The following ZFHX4 variants were observed in gnomAD, a reference collection of about 807,000 sequenced individuals.
The protein encoded by ZFHX4 is zinc finger homeobox protein 4.
A neutral mutation model predicts 267.6 loss-of-function variants in ZFHX4; 56 were observed. The ratio of observed to expected loss-of-function variants is 0.21; its 90% CI spans 0.17 to 0.26. ZFHX4 has a LOEUF of 0.26. Ranked by LOEUF, ZFHX4 falls within the 10% of genes least tolerant of loss-of-function variation. ZFHX4 has a pLI of 1.00. For missense variants in ZFHX4, 4,332 were observed against 4,420.0 expected (o/e 0.98, Z 0.56); for synonymous variants, 1,778 against 1,665.6 (o/e 1.07, Z -1.64).
chr8:76,769,181 T>C (rs974968004), intron 3 of ZFHX4, among the ~76,000 whole-genome samples: 5 of 152,136 alleles, frequency 3.3e-5, no homozygotes, highest in African/African-American at 1.2e-4. Context: ...ATGTCAAATA[T>C]TGCAGGGGGA....
At chr8:76,752,316 A>G (rs551900746) in intron 3 of ZFHX4, among the ~76,000 whole-genome samples, 1 of 151,732 alleles carries the variant, frequency 6.6e-6, no homozygotes, top group East Asian at 1.9e-4. Flanking sequence ...AAAAAAATTA[A>G]CAGTGACTTA....
chr8:76,702,987 C>CACACAA (rs1313681039), intron 1 of ZFHX4, among the ~76,000 whole-genome samples: 1 of 152,032 alleles, frequency 6.6e-6, no homozygotes, highest in Admixed American at 6.6e-5. Context: ...CACACACACA[C>CACACAA]ACAAACGAAG....
intron 1 of ZFHX4, among the ~76,000 whole-genome samples, chr8:76,696,447 AT>A (rs773814297): frequency 1.3e-4 from 20 of 152,194 alleles, no homozygotes; most frequent in Admixed American, 2.6e-4. Flanking sequence ...TGGCTGCTTG[AT>A]TTTAATTAGT....
At chr8:76,792,179 C>A (rs949507404) in intron 4 of ZFHX4, among the ~76,000 whole-genome samples, 1 of 151,932 alleles carries the variant, frequency 6.6e-6, no homozygotes, top group Non-Finnish European at 1.5e-5. Flanking sequence ...GATTCTGTAA[C>A]GTAACAGCAA....
intron 3 of ZFHX4, among the ~76,000 whole-genome samples, chr8:76,749,647 C>T (rs1809562728): frequency 1.3e-5 from 2 of 152,080 alleles, no homozygotes; most frequent in Admixed American, 6.6e-5. Flanking sequence ...CAAAGAGATG[C>T]TGGTTTCTAA....
intron 4 of ZFHX4, among the ~76,000 whole-genome samples, chr8:76,789,741 T>A (rs1810784784): frequency 6.6e-6 from 1 of 152,158 alleles, no homozygotes; most frequent in Non-Finnish European, 1.5e-5. Context: ...ACGCTATTAA[T>A]GGAATTGAAA....
chr8:76,845,124 T>G (rs1471930729), intron 6 of ZFHX4, among the ~76,000 whole-genome samples: 2 of 152,154 alleles, frequency 1.3e-5, no homozygotes, highest in Non-Finnish European at 2.9e-5. Context: ...AGGAAGGCTA[T>G]GTTTGTGTAA....
intron 4 of ZFHX4, among the ~76,000 whole-genome samples, chr8:76,829,110 A>G (rs1811860955): frequency 6.6e-6 from 1 of 152,110 alleles, no homozygotes; most frequent in Non-Finnish European, 1.5e-5. Context: ...AATTTTGCCC[A>G]TGGCTGTTGC....
Position 76,854,623 on chromosome 8 carries a change from A to G in ZFHX4, c.7702A>G (p.Thr2568Ala). 1.9e-6 allele frequency: 3 copies of G among 1,613,700 alleles called. No homozygotes were observed. The highest frequency in any genetic ancestry group is 1.7e-6 in the Non-Finnish European group (2 of 1,179,862). The change falls in exon 10 of 11, where the codon ACC (threonine) becomes GCC (alanine). Residue 2568 changes from threonine (T) to alanine (A), a missense_variant. Around this residue, in one of 7 missense-constraint regions of ZFHX4, gnomAD observed 1,648 missense variants for 1,625.0 expected, o/e 1.01. Transcript: ENST00000651372. Reference sequence around the variant, plus strand: ...GCCCCCTCAGGCCAGTTCCTCCCACACCACAGCCCCCACAACGGTTGCTGC... The same window carrying G: ...GCCCCCTCAGGCCAGTTCCTCCCACGCCACAGCCCCCACAACGGTTGCTGC... ...QMPPQASSSH[T>A]TAPTTVAASL... is the part of the protein sequence containing the mutation.
At chr8:76,794,500 C>T (rs1810920475) in intron 4 of ZFHX4, among the ~76,000 whole-genome samples, 1 of 152,112 alleles carries the variant, frequency 6.6e-6, no homozygotes, top group Non-Finnish European at 1.5e-5. Flanking sequence ...ACATATCCCC[C>T]TGTTGTTAAG....
chr8:76,853,664 A>G lies in ZFHX4; in HGVS notation c.6743A>G (p.Asn2248Ser). The change falls in exon 10 of 11, where the codon AAC (asparagine) becomes AGC (serine). Residue 2248 changes from asparagine to serine, a missense_variant. Physicochemically the swap from Asn to Ser is conservative, Grantham distance 46 (BLOSUM62 1). Transcript: ENST00000651372. ...GTTCTGCAAGACTTTTTTGACACAA[A>G]CGCTTACCCAAAAGATGATGAAATA... is the stretch of plus-strand genomic sequence containing the variant. ...LRVLQDFFDT[N>S]AYPKDDEIEQ... 1 of 1,613,586 alleles carries G rather than the reference A, an allele frequency of 6.2e-7. No homozygotes were observed. Among genetic ancestry groups the G allele is most frequent in the South Asian group, 1.1e-5 (1 of 91,048 alleles).
At chr8:76,804,270 A>T (rs1382054536) in intron 4 of ZFHX4, among the ~76,000 whole-genome samples, 1 of 152,128 alleles carries the variant, frequency 6.6e-6, no homozygotes, top group African/African-American at 2.4e-5. Context: ...ACAATGTCCA[A>T]AATTTAATTT....
At chr8:76,776,060 A>G (rs1262577345) in intron 3 of ZFHX4, among the ~76,000 whole-genome samples, 2 of 152,036 alleles carry the variant, frequency 1.3e-5, no homozygotes, top group African/African-American at 4.8e-5. Context: ...GTGTTGTTAA[A>G]TAGCCCTTGC....
chr8:76,716,327 G>A (rs539863493), intron 3 of ZFHX4, among the ~76,000 whole-genome samples: 1 of 152,154 alleles, frequency 6.6e-6, no homozygotes, highest in East Asian at 1.9e-4. Flanking sequence ...TTTTACAATG[G>A]CATTACTTTT....
intron 3 of ZFHX4, among the ~76,000 whole-genome samples, chr8:76,719,891 G>A (rs1315501596): frequency 3.9e-5 from 6 of 152,096 alleles, no homozygotes; most frequent in Non-Finnish European, 5.9e-5. Flanking sequence ...GCATTAGAAA[G>A]GGAAAGGACT....
At chr8:76,831,835 C>G (rs1334740356) in intron 4 of ZFHX4, among the ~76,000 whole-genome samples, 1 of 152,044 alleles carries the variant, frequency 6.6e-6, no homozygotes, top group African/African-American at 2.4e-5. Flanking sequence ...TTAATCAAGG[C>G]ATAACTTTAT....
intron 1 of ZFHX4, among the ~76,000 whole-genome samples, chr8:76,690,153 C>A (rs549262451): frequency 6.6e-6 from 1 of 152,114 alleles, no homozygotes; most frequent in East Asian, 1.9e-4. Flanking sequence ...CTAAAGACAA[C>A]ATTTATAGGT....
chr8:76,850,688 G>A (rs969833069), intron 9 of ZFHX4, among the ~76,000 whole-genome samples, 198 bp from the exon 10 acceptor site: 1 of 152,084 alleles, frequency 6.6e-6, no homozygotes, highest in African/African-American at 2.4e-5. Context: ...ATTTCTTGAG[G>A]CCAGCGGTGA....
chr8:76,851,742 A>C lies in ZFHX4; in HGVS notation c.4821A>C (p.Thr1607=), dbSNP rs919597221. The change falls in exon 10 of 11, where the codon ACA becomes ACC. Residue 1607 remains threonine, a synonymous_variant. Transcript: ENST00000651372. ...ICNVAYSQSS[T]LEIHMRSVLH... ...ATGTTGCATACAGCCAAAGCTCAAC[A>C]TTGGAAATCCACATGAGGTCTGTGC... 3 of 1,613,872 alleles carry C rather than the reference A, an allele frequency of 1.9e-6. No individual in the cohort carries two copies. Among genetic ancestry groups the C allele is most frequent in the Non-Finnish European group, 2.5e-6 (3 of 1,179,892 alleles).
Sources: gnomAD v4.1 joint callset for allele counts (sites outside exome capture counted in the v4.1 genomes callset) on GRCh38, gnomAD v4.1.1 for gene constraint, gnomAD v4.1.1 regional missense constraint, MANE v1.5 for transcripts, NCBI Gene and HGNC (gene_info 2026-07-23, HGNC 2026-07-21) for gene names.